SHISA9: variants seen among roughly 807,000 people sequenced by gnomAD.
The protein encoded by SHISA9 is shisa family member 9, also known as protein shisa-9.
SHISA9 carries 13 observed loss-of-function variants against 38.0 expected under a neutral mutation model. That is an observed-to-expected ratio of 0.34 (90% CI 0.22 to 0.54). The LOEUF is 0.54. Among genes scored for constraint, SHISA9 ranks in the 20% least tolerant of loss-of-function variants. SHISA9 has a pLI of 0.91. For missense variants in SHISA9, 538 were observed against 575.8 expected (o/e 0.93, Z 0.67); for synonymous variants, 275 against 242.0 (o/e 1.14, Z -1.27).
At chr16:13,213,373 G>A in intron 4 of SHISA9, 73 bp downstream of exon 4, 1 of 1,385,300 alleles carries the variant, frequency 7.2e-7, no homozygotes, top group Non-Finnish European at 1.0e-6. Context: ...AAGGGATAGA[G>A]AGTCCTGGTG....
chr16:12,973,280 A>G, intron 2 of SHISA9, among the ~76,000 whole-genome samples: 1 of 152,230 alleles, frequency 6.6e-6, no homozygotes, highest in South Asian at 2.1e-4. Context: ...AAATGCTAAC[A>G]GGTTTCCTGG....
At chr16:12,916,956 A>C in intron 2 of SHISA9, 141 bp downstream of exon 2, 1 of 993,494 alleles carries the variant, frequency 1.0e-6, no homozygotes, top group East Asian at 2.9e-5. Context: ...TGTCTTTTGG[A>C]TGAAGCTGAA....
At chr16:13,407,186 C>A in the SHISA9 span, among the ~76,000 whole-genome samples, 23 of 150,270 alleles carry the variant, frequency 1.5e-4, no homozygotes, top group African/African-American at 5.4e-4. Flanking sequence ...AAATTTATTT[C>A]TCACCATTCT....
chr16:13,176,908 G>A (rs976119543), intron 2 of SHISA9, among the ~76,000 whole-genome samples: 1 of 152,050 alleles, frequency 6.6e-6, no homozygotes, highest in Non-Finnish European at 1.5e-5. Flanking sequence ...ATGCTGAGTC[G>A]CTGTTATTCA....
the SHISA9 span, among the ~76,000 whole-genome samples, chr16:13,384,439 G>T: frequency 6.6e-6 from 1 of 152,350 alleles, no homozygotes; most frequent in East Asian, 1.9e-4. Flanking sequence ...AGGGGCCATG[G>T]TTATTGGAAT....
At chr16:13,554,041 T>A in the SHISA9 span, among the ~76,000 whole-genome samples, 1 of 152,266 alleles carries the variant, frequency 6.6e-6, no homozygotes, top group South Asian at 2.1e-4. Context: ...TGGGAGAATA[T>A]GCTTCCTCTA....
chr16:13,307,349 T>C, the SHISA9 span, among the ~76,000 whole-genome samples: 3 of 152,230 alleles, frequency 2.0e-5, no homozygotes, highest in Admixed American at 6.5e-5. Flanking sequence ...TATTTTCTGC[T>C]GCTATTTCCT....
rs766793621 is a variant in SHISA9, at chr16:13,236,605, T to G, written c.*1196T>G. ...TTTAATGACAGTCTTGTTTCCCAAG[T>G]GCAACCTGTGTTCTTTTAGCCTTCC... On this transcript the variant is annotated 3_prime_UTR_variant, in exon 5 of 5. Transcript: ENST00000558583. 6.6e-6 allele frequency: 1 copy of G among 152,302 alleles called. No individual in the cohort carries two copies. The highest frequency in any genetic ancestry group is 1.5e-5 in the Non-Finnish European group (1 of 68,082). The allele number at this position is 152,302 out of a possible 1,614,324, so 9.4% of individuals were successfully genotyped here.
the SHISA9 span, among the ~76,000 whole-genome samples, chr16:13,305,849 G>T: frequency 6.6e-6 from 1 of 152,116 alleles, no homozygotes; most frequent in Non-Finnish European, 1.5e-5. Flanking sequence ...GAACATTTTG[G>T]GATAATTTGT....
the SHISA9 span, among the ~76,000 whole-genome samples, chr16:13,380,708 C>T: frequency 1.4e-3 from 207 of 152,160 alleles, no homozygotes; most frequent in African/African-American, 4.8e-3. Flanking sequence ...TTCTGGGTTA[C>T]ATTTGCAGAA....
At chr16:13,226,043 A>C (rs1356736798) in intron 4 of SHISA9, among the ~76,000 whole-genome samples, 1 of 152,098 alleles carries the variant, frequency 6.6e-6, no homozygotes, top group African/African-American at 2.4e-5. Context: ...AGGTTAATGC[A>C]TTTATTAATG....
chr16:13,003,889 TAAGAAGAAGAAG>T (rs59904952), intron 2 of SHISA9, among the ~76,000 whole-genome samples: 15 of 145,876 alleles, frequency 1.0e-4, no homozygotes, highest in African/African-American at 2.5e-4. Flanking sequence ...ATAATAATAA[TAAGAAGAAGAAG>T]AAGAAGAAGT....
At chr16:13,373,722 C>T in the SHISA9 span, among the ~76,000 whole-genome samples, 1 of 147,808 alleles carries the variant, frequency 6.8e-6, no homozygotes, top group Non-Finnish European at 1.5e-5. Context: ...GATTGCACCA[C>T]TGCACTCCAG....
At chr16:13,015,898 CT>C (rs1176382487) in intron 2 of SHISA9, among the ~76,000 whole-genome samples, 1 of 114,768 alleles carries the variant, frequency 8.7e-6, no homozygotes, top group African/African-American at 3.4e-5. Flanking sequence ...TTCTTTCTTT[CT>C]TTCTTTCTTT....
the SHISA9 span, among the ~76,000 whole-genome samples, chr16:13,249,450 T>C: frequency 5.3e-5 from 8 of 152,216 alleles, no homozygotes. Context: ...GAGATGACTT[T>C]ATATTCCCTG....
the SHISA9 span, among the ~76,000 whole-genome samples, chr16:13,355,983 A>G: frequency 0.82 from 124,518 of 152,140 alleles, 51,094 homozygotes; most frequent in East Asian, 0.96. Flanking sequence ...GAGGAATCCC[A>G]GGCTGCGGGC....
chr16:13,302,452 C>T, the SHISA9 span, among the ~76,000 whole-genome samples: 23 of 152,142 alleles, frequency 1.5e-4, no homozygotes, highest in African/African-American at 5.6e-4. Flanking sequence ...AAATGGAGCC[C>T]CTCTGGCCTT....
chr16:13,016,341 T>C (rs1015070327), intron 2 of SHISA9, among the ~76,000 whole-genome samples: 2 of 152,116 alleles, frequency 1.3e-5, no homozygotes, highest in Admixed American at 6.5e-5. Flanking sequence ...ACCTGGAAAG[T>C]AGTCCTCATT....
chr16:13,195,627 G>A (rs2050930425), intron 2 of SHISA9, among the ~76,000 whole-genome samples: 1 of 152,116 alleles, frequency 6.6e-6, no homozygotes, highest in African/African-American at 2.4e-5. Context: ...ATTTTATAGA[G>A]GAGAAATCTG....
Sources: gnomAD v4.1 joint callset for allele counts (sites outside exome capture counted in the v4.1 genomes callset) on GRCh38, gnomAD v4.1.1 for gene constraint, MANE v1.5 for transcripts, NCBI Gene and HGNC (gene_info 2026-07-23, HGNC 2026-07-21) for gene names.